The following LUZP2 variants were observed in gnomAD, a reference collection of about 807,000 sequenced individuals.
LUZP2 encodes the protein leucine zipper protein 2.
Under a neutral mutation model 51.6 loss-of-function variants are expected in LUZP2, and 52 were observed. The ratio of observed to expected loss-of-function variants is 1.01; its 90% CI spans 0.81 to 1.27. The LOEUF is 1.27. Ranked by LOEUF, LUZP2 falls within the 50% of genes most tolerant of loss-of-function variation. LUZP2 has a pLI of 0.00. For synonymous variants in LUZP2, 154 were observed against 137.3 expected (o/e 1.12, Z -0.85); for missense variants, 436 against 395.4 (o/e 1.10, Z -0.87).
At chr11:24,920,215 G>T (rs757837660) in intron 7 of LUZP2, among the ~76,000 whole-genome samples, 192 of 151,996 alleles carry the variant, frequency 1.3e-3, no homozygotes, top group Non-Finnish European at 2.3e-3. Flanking sequence ...TTGTGATTGT[G>T]TTTGTTGTTT....
At chr11:24,949,506 G>A (rs1381132429) in intron 7 of LUZP2, among the ~76,000 whole-genome samples, 1 of 151,528 alleles carries the variant, frequency 6.6e-6, no homozygotes, top group Non-Finnish European at 1.5e-5. Flanking sequence ...TGATGTTGAT[G>A]TTTCTTTTCT....
intron 9 of LUZP2, among the ~76,000 whole-genome samples, chr11:24,997,991 G>A (rs1018820143): frequency 4.6e-5 from 7 of 152,060 alleles, no homozygotes; most frequent in African/African-American, 1.2e-4. Flanking sequence ...CTCTGTTTTG[G>A]TACCAGTACC....
At chr11:24,913,973 T>A (rs1335154028) in intron 6 of LUZP2, among the ~76,000 whole-genome samples, 3 of 152,270 alleles carry the variant, frequency 2.0e-5, no homozygotes, top group Non-Finnish European at 2.9e-5. Flanking sequence ...AAAAAATGTA[T>A]TGCTCTAAAA....
rs538499524 is a variant in LUZP2, at chr11:25,023,410, A to G, written c.766-26628A>G. 9.9e-5 allele frequency among the ~76,000 whole-genome samples: 15 copies of G among 151,796 alleles called. No individual in the cohort carries two copies. The East Asian group carries it at 1.9e-3, about 20-fold the overall frequency. On this transcript the variant is annotated intron_variant, in intron 9 of 11. Coordinates refer to ENST00000336930, the MANE Select transcript of LUZP2 (RefSeq NM_001009909.4). ...CCAGGAATTTAACCATTTCTTCTAG[A>G]TTTTCTAGTTTATTTGCATAGAGAT... is the stretch of plus-strand genomic sequence containing the variant.
intron 5 of LUZP2, chr11:24,892,748 T>C (rs1040925084): frequency 1.3e-5 from 2 of 152,318 alleles, no homozygotes; most frequent in African/African-American, 4.8e-5. Flanking sequence ...ACTAACATTT[T>C]TGAACATCTA....
intron 1 of LUZP2, among the ~76,000 whole-genome samples, chr11:24,593,708 T>C (rs556084202): frequency 3.9e-5 from 6 of 152,304 alleles, no homozygotes; most frequent in Admixed American, 2.0e-4. Flanking sequence ...GTGAGGATGT[T>C]CCAATAGGCT....
rs1859419199 is a variant in LUZP2 at position 25,079,908 on chromosome 11, A to T, written c.*1250A>T. On this transcript the variant is annotated 3_prime_UTR_variant, in exon 12 of 12. Coordinates refer to ENST00000336930, the MANE Select transcript of LUZP2 (RefSeq NM_001009909.4). ...CAGTGTATCCTAGGAGACAGTTAAT[A>T]AAAATGTATTAAAGGAAATCTTTAA... 1 of 152,196 alleles carries T rather than the reference A, an allele frequency of 6.6e-6. No individual in the cohort carries two copies. The highest frequency in any genetic ancestry group is 2.1e-4 in the South Asian group (1 of 4,832). The allele number at this position is 152,196 out of a possible 1,614,324, so 9.4% of individuals were successfully genotyped here. A position where few individuals can be genotyped will look rare whatever the true frequency, so the allele number is the denominator to read the frequency against.
chr11:25,057,912 A>G lies in LUZP2; in HGVS notation c.858+7782A>G, dbSNP rs571015147. On this transcript the variant is annotated intron_variant, in intron 10 of 11. Transcript: ENST00000336930. The stretch of plus-strand genomic sequence containing the variant: ...AAAATTATGCCAGCTTTTTCATGTT[A>G]AGACAATTTTGGCTGAGATATAAGA... Among the ~76,000 whole-genome samples, 5 of 152,246 alleles carry G rather than the reference A, an allele frequency of 3.3e-5. No homozygotes were observed. The East Asian group carries it at 7.7e-4, about 24-fold the overall frequency.
rs577213173 is a variant in LUZP2 at position 24,941,811 on chromosome 11, A to T, written c.522+27273A>T. Among the ~76,000 whole-genome samples, 45 of 152,238 alleles carry T rather than the reference A, an allele frequency of 3.0e-4. No homozygotes were observed. The South Asian group carries it at 9.3e-3, about 32-fold the overall frequency. ...CAATAAAATCCATCATTTCAGTTGGACAATTTATTGAGTTTTGATTAATAT... is the reference window on the plus strand; with the variant it reads ...CAATAAAATCCATCATTTCAGTTGGTCAATTTATTGAGTTTTGATTAATAT... On this transcript the variant is annotated intron_variant, in intron 7 of 11. Coordinates refer to ENST00000336930, the MANE Select transcript of LUZP2 (RefSeq NM_001009909.4).
chr11:24,944,480 A>G (rs986133033), intron 7 of LUZP2, among the ~76,000 whole-genome samples: 1 of 152,238 alleles, frequency 6.6e-6, no homozygotes, highest in African/African-American at 2.4e-5. Context: ...AAATATGCAG[A>G]GAGAAAGAGA....
In LUZP2 at chr11:24,497,205, GA is replaced by G; in HGVS notation, c.-37del. The G allele has an allele frequency of 2.7e-6, 4 of 1,501,830 alleles. No individual in the cohort carries two copies. Among genetic ancestry groups the G allele is most frequent in the Middle Eastern group, 1.8e-4 (1 of 5,592 alleles). 93.0% of individuals were successfully genotyped at this position (1,501,830 alleles called of 1,614,324 possible). On this transcript the variant is annotated 5_prime_UTR_variant, in exon 1 of 12. Coordinates refer to ENST00000336930, the MANE Select transcript of LUZP2 (RefSeq NM_001009909.4). ...CGACAGGATCCCGAAGAGAGAGAGA[GA>G]AGGCAGCGAGGGAAGGAGGACCCCG...
intron 1 of LUZP2, among the ~76,000 whole-genome samples, chr11:24,685,814 A>G (rs969629035): frequency 1.7e-4 from 26 of 152,214 alleles, no homozygotes; most frequent in African/African-American, 6.0e-4. Context: ...TATGTTATTT[A>G]TGGTAGAGAT....
intron 1 of LUZP2, among the ~76,000 whole-genome samples, chr11:24,653,711 A>G (rs371175773): frequency 2.0e-5 from 3 of 152,298 alleles, no homozygotes; most frequent in Non-Finnish European, 2.9e-5. Context: ...AGAAAATACA[A>G]TAGAGATTCA....
chr11:24,536,145 C>G (rs1021698559), intron 1 of LUZP2, among the ~76,000 whole-genome samples: 1 of 151,630 alleles, frequency 6.6e-6, no homozygotes, highest in East Asian at 1.9e-4. Context: ...GTCATTTGGG[C>G]TTTATTTTTG....
intron 5 of LUZP2, among the ~76,000 whole-genome samples, chr11:24,888,264 G>C (rs1351143379): frequency 6.6e-6 from 1 of 151,896 alleles, no homozygotes; most frequent in Admixed American, 6.6e-5. Flanking sequence ...TTATTCATAG[G>C]CTTTCTCTTC....
chr11:24,530,271 C>T (rs1850951959), intron 1 of LUZP2, among the ~76,000 whole-genome samples: 1 of 150,814 alleles, frequency 6.6e-6, no homozygotes, highest in Non-Finnish European at 1.5e-5. Context: ...AAATGCATAA[C>T]TTCAGTATTG....
At chr11:24,566,195 G>A (rs940384082) in intron 1 of LUZP2, among the ~76,000 whole-genome samples, 15 of 151,332 alleles carry the variant, frequency 9.9e-5, no homozygotes, top group Admixed American at 3.3e-4. Flanking sequence ...TTAGAAATAC[G>A]TTAATATAAC....
At chr11:24,763,784 A>G (rs1021746871) in intron 5 of LUZP2, among the ~76,000 whole-genome samples, 19 of 152,272 alleles carry the variant, frequency 1.2e-4, no homozygotes, top group Admixed American at 3.9e-4. Context: ...ATCCTATTAA[A>G]TACTGCATAC....
At chr11:24,923,499 C>T (rs574217227) in intron 7 of LUZP2, among the ~76,000 whole-genome samples, 1 of 152,106 alleles carries the variant, frequency 6.6e-6, no homozygotes, top group South Asian at 2.1e-4. Context: ...GAGATTGAGA[C>T]CATCCTGGTC....
Sources: allele counts gnomAD v4.1 joint callset (sites outside exome capture counted in the v4.1 genomes callset), GRCh38; gene constraint gnomAD v4.1.1; transcripts MANE v1.5; gene names NCBI Gene and HGNC (gene_info 2026-07-23, HGNC 2026-07-21).